ATXN1: variants seen among roughly 807,000 people sequenced by gnomAD.
ATXN1 encodes the protein ataxin-1.
In ATXN1, 8 loss-of-function variants were observed where a neutral mutation model predicts 56.4. The observed-to-expected ratio is 0.14, with a 90% confidence interval of 0.08 to 0.26. The LOEUF (loss-of-function observed/expected upper bound fraction) is 0.26. Ranked by LOEUF, ATXN1 falls within the 10% of genes least tolerant of loss-of-function variation. ATXN1 has a pLI of 1.00. For missense variants in ATXN1, 987 were observed against 1,106.5 expected, an observed-to-expected ratio of 0.89 and a Z score of 1.53; for synonymous variants, 514 against 494.6, an observed-to-expected ratio of 1.04 and a Z score of -0.52.
chr6:16,502,467 T>C (rs746922672), intron 5 of ATXN1, among the ~76,000 whole-genome samples: 1 of 152,230 alleles, frequency 6.6e-6, no homozygotes, highest in African/African-American at 2.4e-5. Context: ...TCCTTTATCT[T>C]CAACTGAACA....
chr6:16,344,208 C>A (rs1761324170), intron 6 of ATXN1, among the ~76,000 whole-genome samples: 1 of 152,200 alleles, frequency 6.6e-6, no homozygotes, highest in Non-Finnish European at 1.5e-5. Context: ...CATCCACACA[C>A]CGTTCAGGAA....
chr6:16,685,458 G>C (rs1758898849), intron 2 of ATXN1, among the ~76,000 whole-genome samples: 1 of 152,018 alleles, frequency 6.6e-6, no homozygotes, highest in South Asian at 2.1e-4. Flanking sequence ...GAGGCATCTT[G>C]ATTTGAAAGG....
chr6:16,734,074 C>T (rs748977510), intron 2 of ATXN1, among the ~76,000 whole-genome samples: 5 of 152,062 alleles, frequency 3.3e-5, no homozygotes, highest in Non-Finnish European at 5.9e-5. Context: ...CCTAGGCAAC[C>T]GACAGAGTGA....
intron 4 of ATXN1, among the ~76,000 whole-genome samples, chr6:16,580,681 T>C (rs1762512381): frequency 6.6e-6 from 1 of 152,220 alleles, no homozygotes; most frequent in South Asian, 2.1e-4. Context: ...TTTCAAAGAA[T>C]AAAATGCTTC....
chr6:16,725,163 C>T (rs1055841727), intron 2 of ATXN1, among the ~76,000 whole-genome samples: 1 of 152,198 alleles, frequency 6.6e-6, no homozygotes, highest in African/African-American at 2.4e-5. Flanking sequence ...AGTATGTTAA[C>T]TTCCTATGGC....
At chr6:16,492,112 T>C (rs1326977008) in intron 5 of ATXN1, among the ~76,000 whole-genome samples, 2 of 152,190 alleles carry the variant, frequency 1.3e-5, no homozygotes, top group African/African-American at 2.4e-5. Context: ...AGCTAAGCCA[T>C]GCCTGGACTT....
chr6:16,494,197 A>G (rs1249119203), intron 5 of ATXN1, among the ~76,000 whole-genome samples: 1 of 151,922 alleles, frequency 6.6e-6, no homozygotes, highest in Admixed American at 6.5e-5. Context: ...GAAGAGTTGG[A>G]GGGAGGTCAG....
At chr6:16,624,528 G>A (rs936995296) in intron 3 of ATXN1, among the ~76,000 whole-genome samples, 12 of 152,012 alleles carry the variant, frequency 7.9e-5, no homozygotes, top group African/African-American at 2.7e-4. Context: ...CAAAAGTGGC[G>A]GTGTTTTGTT....
chr6:16,747,379 T>C (rs1760569498), intron 2 of ATXN1, among the ~76,000 whole-genome samples: 1 of 152,142 alleles, frequency 6.6e-6, no homozygotes, highest in South Asian at 2.1e-4. Context: ...AGCCCATCGC[T>C]GTTAAGTAAC....
At position 16,326,344 on chromosome 6, in the gene ATXN1, T is replaced by C; in HGVS notation, c.1917+50A>G. ...AATTCGTCTTGCCAGGAGATGATGA[T>C]GGCATCACGGTGTGGTGTCCCATCC... On this transcript the variant is annotated intron_variant, in intron 7 of 7. Transcript: ENST00000436367. The surrounding 1 kb of genome is among the most constrained non-coding windows in gnomAD (Gnocchi z 6.6). 6.3e-7 allele frequency: 1 copy of C among 1,598,268 alleles called. No individual in the cohort carries two copies. Among genetic ancestry groups the C allele is most frequent in the Non-Finnish European group, 8.5e-7 (1 of 1,172,008 alleles).
intron 2 of ATXN1, among the ~76,000 whole-genome samples, chr6:16,690,803 G>T (rs1430067482): frequency 6.6e-6 from 1 of 152,172 alleles, no homozygotes; most frequent in African/African-American, 2.4e-5. Flanking sequence ...GCTGCCTGGA[G>T]CGAGACCTGA....
chr6:16,589,942 GGAAGCAAA>G (rs954070917), intron 3 of ATXN1, among the ~76,000 whole-genome samples: 7 of 152,162 alleles, frequency 4.6e-5, no homozygotes, highest in African/African-American at 1.7e-4. Flanking sequence ...TATGTGTGAA[GGAAGCAAA>G]GCATCAACAA....
At chr6:16,347,786 C>T (rs1761451371) in intron 6 of ATXN1, among the ~76,000 whole-genome samples, 1 of 152,202 alleles carries the variant, frequency 6.6e-6, no homozygotes. Flanking sequence ...ATCAGCAGAA[C>T]ATGGGTAGGG....
At chr6:16,550,218 A>G (rs1761896116) in intron 4 of ATXN1, among the ~76,000 whole-genome samples, 1 of 150,640 alleles carries the variant, frequency 6.6e-6, no homozygotes, top group Non-Finnish European at 1.5e-5. Context: ...GCAAGTGGTC[A>G]CTGGTTTTAC....
chr6:16,508,815 C>A (rs889638397), intron 5 of ATXN1, among the ~76,000 whole-genome samples: 2 of 152,152 alleles, frequency 1.3e-5, no homozygotes, highest in Non-Finnish European at 2.9e-5. Flanking sequence ...AATTTGTACA[C>A]CCACATTCAT....
At position 16,663,881 on chromosome 6, in the gene ATXN1, C is replaced by T. The variant is rs553037566; in HGVS notation, c.-614-5980G>A. Among the ~76,000 whole-genome samples, 25 of 152,202 alleles carry T rather than the reference C, an allele frequency of 1.6e-4. No homozygotes were observed. In the South Asian group the frequency reaches 5.2e-3, roughly 32 times the overall value. The stretch of plus-strand genomic sequence containing the variant: ...TGGAATATTCTTTATTTTGGTCTGA[C>T]TCTTAGGATTGTACCCACAACCAAT... On this transcript the variant is annotated intron_variant, in intron 2 of 7. Coordinates refer to ENST00000436367, the MANE Select transcript of ATXN1 (RefSeq NM_001128164.2).
At position 16,302,882 on chromosome 6, in the gene ATXN1, G is replaced by A. The variant is rs981195558; in HGVS notation, c.*3447C>T. On this transcript the variant is annotated 3_prime_UTR_variant, in exon 8 of 8. Transcript: ENST00000436367. ...CCGAAGAATTTCTACCCCTGTCATC[G>A]TTAATGTTTGCTACACAGAAGCGGT... 6.6e-5 allele frequency: 10 copies of A among 152,666 alleles called. 1 individual carries two copies. The highest frequency in any genetic ancestry group is 1.9e-4 in the African/African-American group (8 of 41,442). The allele number at this position is 152,666 out of a possible 1,614,324, so 9.5% of individuals were successfully genotyped here.
At chr6:16,503,183 T>C (rs3753094) in intron 5 of ATXN1, among the ~76,000 whole-genome samples, 21,596 of 152,224 alleles carry the variant, frequency 0.14, 1,995 homozygotes, top group East Asian at 0.33. Flanking sequence ...CGGTTCCTCC[T>C]ACTCCTCATC....
intron 4 of ATXN1, among the ~76,000 whole-genome samples, chr6:16,533,259 C>A (rs1306100791): frequency 6.6e-6 from 1 of 152,066 alleles, no homozygotes; most frequent in Non-Finnish European, 1.5e-5. Flanking sequence ...ATCACTTGAC[C>A]TTATAAGGGA....
Sources: gnomAD v4.1 joint callset for allele counts (sites outside exome capture counted in the v4.1 genomes callset) on GRCh38, gnomAD v4.1.1 for gene constraint, Gnocchi (gnomAD v3.1) non-coding constraint, MANE v1.5 for transcripts, NCBI Gene and HGNC (gene_info 2026-07-23, HGNC 2026-07-21) for gene names.